Variants in ABLIM2 observed in about 807,000 individuals in gnomAD.
ABLIM2 encodes actin binding LIM protein family member 2, also known as actin-binding LIM protein 2.
ABLIM2 carries 53 observed loss-of-function variants against 97.7 expected under a neutral mutation model. That is an observed-to-expected ratio of 0.54 (90% CI 0.44 to 0.68). ABLIM2 has a LOEUF of 0.68. ABLIM2 is among the 30% of genes least tolerant of loss of function. The pLI, the probability that ABLIM2 is intolerant of heterozygous loss-of-function variation, is 0.00. For missense variants in ABLIM2, 835 were observed against 867.2 expected (o/e 0.96, Z 0.47); for synonymous variants, 361 against 345.8 (o/e 1.04, Z -0.49).
chr4:8,158,625 G>C (rs1716208767), intron 1 of ABLIM2, 55 bp downstream of exon 1: 1 of 1,503,990 alleles, frequency 6.6e-7, no homozygotes, highest in African/African-American at 1.4e-5. Flanking sequence ...CCCAGCCCTT[G>C]CGGCGCCGCG....
At chr4:8,102,549 T>C (rs1446675031) in intron 2 of ABLIM2, among the ~76,000 whole-genome samples, 2 of 152,204 alleles carry the variant, frequency 1.3e-5, no homozygotes, top group Admixed American at 6.5e-5. Context: ...AAATAGTTAT[T>C]GAATGACTTT....
intron 14 of ABLIM2, among the ~76,000 whole-genome samples, chr4:8,013,158 CACTT>C (rs1766218230): frequency 6.6e-6 from 1 of 151,650 alleles, no homozygotes; most frequent in Non-Finnish European, 1.5e-5. Context: ...ATGTGATAAA[CACTT>C]ACTGAATACC....
chr4:8,118,857 TGA>T (rs752274332), intron 1 of ABLIM2, among the ~76,000 whole-genome samples: 7 of 152,244 alleles, frequency 4.6e-5, no homozygotes, highest in Non-Finnish European at 8.8e-5. Flanking sequence ...ACTCTTGTGC[TGA>T]GCTCTGCACT....
In ABLIM2 at chr4:8,077,710, G is replaced by A. The variant is rs772095925; in HGVS notation, c.593C>T (p.Pro198Leu). 2 of 1,612,016 alleles carry A rather than the reference G, an allele frequency of 1.2e-6. No homozygotes were observed. The highest frequency in any genetic ancestry group is 2.2e-5 in the South Asian group (2 of 90,532). Residue 198 changes from proline to leucine, a missense_variant, in exon 6 of 21, where the codon CCC becomes CTC. Coordinates refer to ENST00000447017, the MANE Select transcript of ABLIM2 (RefSeq NM_001130083.2). ...GGCGTGATAGTCAGCTTCGCAGTAG[G>A]GCAGCCCATCCCTGCAATGAGACAG... is the stretch of plus-strand genomic sequence containing the variant. ...NAEYISKDGLPYCEADYHAKF... is the reference protein window; with the variant it reads ...NAEYISKDGLLYCEADYHAKF...
intron 1 of ABLIM2, 35 bp downstream of exon 1, chr4:8,158,645 G>A: frequency 2.0e-6 from 3 of 1,504,228 alleles, no homozygotes; most frequent in Non-Finnish European, 2.7e-6. Flanking sequence ...GAGCCAGCGC[G>A]GGGACCCGTT....
chr4:8,056,151 C>A (rs1798996288), intron 7 of ABLIM2, among the ~76,000 whole-genome samples: 3 of 120,618 alleles, frequency 2.5e-5, no homozygotes, highest in African/African-American at 6.1e-5. Flanking sequence ...TAACAGATGT[C>A]TCTTATTAAA....
At chr4:8,088,400 C>G in intron 3 of ABLIM2, 116 bp from the exon 4 acceptor site, 1 of 756,970 alleles carries the variant, frequency 1.3e-6, no homozygotes, top group Non-Finnish European at 2.2e-6. Context: ...GCAAAGGTAC[C>G]ACTCACAGGC....
chr4:8,113,802 T>C lies in ABLIM2; in HGVS notation c.11-7165A>G, dbSNP rs1398830195. Among the ~76,000 whole-genome samples the C allele has an allele frequency of 6.6e-6, 1 of 152,186 alleles. No individual in the cohort carries two copies. Among genetic ancestry groups the C allele is most frequent in the African/African-American group, 2.4e-5 (1 of 41,442 alleles). On this transcript the variant is annotated intron_variant, in intron 1 of 20. Coordinates refer to ENST00000447017, the MANE Select transcript of ABLIM2 (RefSeq NM_001130083.2). The surrounding 1 kb of genome is among the most constrained non-coding windows in gnomAD (Gnocchi z 4.5). ...TAAGCCTACACACGCACACATGAAC[T>C]CCAGAGGTCCCGGCTCACCCAGAGC...
At chr4:8,089,962 C>T (rs904578194) in intron 3 of ABLIM2, among the ~76,000 whole-genome samples, 10 of 152,282 alleles carry the variant, frequency 6.6e-5, no homozygotes, top group Admixed American at 2.6e-4. Context: ...TGGAGACCAC[C>T]GTGCCTTCCC....
At position 8,007,998 on chromosome 4, in the gene ABLIM2, G is replaced by A. The variant is rs1400166150; in HGVS notation, c.1618+61C>T. On this transcript the variant is annotated intron_variant, in intron 16 of 20. Coordinates refer to ENST00000447017, the MANE Select transcript of ABLIM2 (RefSeq NM_001130083.2). Reference sequence around the variant, plus strand: ...TAGGGGGATAGCTCTGAGTTCTGGGGCCTCTTTGCCGCGAGGCATTTTGTG... The same window carrying A: ...TAGGGGGATAGCTCTGAGTTCTGGGACCTCTTTGCCGCGAGGCATTTTGTG... The A allele has an allele frequency of 3.1e-6, 5 of 1,597,800 alleles. No homozygotes were observed. The South Asian group carries it at 5.6e-5, about 18-fold the overall frequency.
intron 2 of ABLIM2, among the ~76,000 whole-genome samples, chr4:8,100,964 G>A (rs374156330): frequency 2.0e-5 from 3 of 152,142 alleles, no homozygotes; most frequent in Non-Finnish European, 2.9e-5. Context: ...AAATTGAAGC[G>A]AACGAATCAG....
intron 2 of ABLIM2, among the ~76,000 whole-genome samples, chr4:8,101,857 C>G (rs1052904569): frequency 6.6e-6 from 1 of 152,206 alleles, no homozygotes; most frequent in Non-Finnish European, 1.5e-5. Context: ...CTGTGCTATG[C>G]GTTTGACGTA....
chr4:8,080,391 C>T (rs1041559083), intron 5 of ABLIM2, among the ~76,000 whole-genome samples: 2 of 152,220 alleles, frequency 1.3e-5, no homozygotes, highest in Admixed American at 6.5e-5. Flanking sequence ...AAACTCAGCA[C>T]TGGCAGCCCT....
intron 16 of ABLIM2, chr4:8,006,949 T>G: frequency 5.7e-6 from 5 of 877,308 alleles, no homozygotes; most frequent in Non-Finnish European, 6.8e-6. Context: ...TTTACAAAGC[T>G]GCACCCCAGG....
At chr4:8,060,026 CAT>C (rs1399018294) in intron 7 of ABLIM2, among the ~76,000 whole-genome samples, 2 of 152,030 alleles carry the variant, frequency 1.3e-5, no homozygotes, top group African/African-American at 4.8e-5. Flanking sequence ...ACAAGGTGCA[CAT>C]GTTAATAAGC....
chr4:8,108,133 ACAGAAGC>A (rs200370365), intron 1 of ABLIM2, among the ~76,000 whole-genome samples: 4,061 of 152,296 alleles, frequency 0.027, 90 homozygotes, highest in Middle Eastern at 0.051. Context: ...GTCACTTGTT[ACAGAAGC>A]CAGGGAAGGT....
At chr4:8,157,874 T>C (rs1386708180) in intron 1 of ABLIM2, among the ~76,000 whole-genome samples, 1 of 152,258 alleles carries the variant, frequency 6.6e-6, no homozygotes, top group Non-Finnish European at 1.5e-5. Flanking sequence ...CTGCCGGGAA[T>C]GCAACGACAA....
At chr4:8,048,462 C>T (rs935554835) in intron 8 of ABLIM2, among the ~76,000 whole-genome samples, 3 of 152,144 alleles carry the variant, frequency 2.0e-5, no homozygotes, top group Non-Finnish European at 4.4e-5. Flanking sequence ...GGTCTGACCC[C>T]TCTCATCTCC....
rs374337572 is a variant in ABLIM2, at chr4:7,965,642, C to T, written c.*1348G>A. The T allele has an allele frequency of 1.1e-4, 17 of 152,202 alleles. No homozygotes were observed. Among genetic ancestry groups the T allele is most frequent in the Non-Finnish European group, 1.6e-4 (11 of 68,056 alleles). The allele number at this position is 152,202 out of a possible 1,614,324, so 9.4% of individuals were successfully genotyped here. ...TTGGTGTTTCATCCACCTCTCAGCG[C>T]GCTTATCAGCATCCTGTGACGGCCG... On this transcript the variant is annotated 3_prime_UTR_variant, in exon 21 of 21. Coordinates refer to ENST00000447017, the MANE Select transcript of ABLIM2 (RefSeq NM_001130083.2).
Sources: gnomAD v4.1 joint callset for allele counts (sites outside exome capture counted in the v4.1 genomes callset) on GRCh38, gnomAD v4.1.1 for gene constraint, Gnocchi (gnomAD v3.1) non-coding constraint, MANE v1.5 for transcripts, NCBI Gene and HGNC (gene_info 2026-07-23, HGNC 2026-07-21) for gene names.